Variants in ELMO1 observed in about 807,000 individuals in gnomAD.
ELMO1 encodes engulfment and cell motility protein 1.
In ELMO1, 26 loss-of-function variants were observed where a neutral mutation model predicts 98.9. The observed-to-expected ratio is 0.26, with a 90% CI of 0.19 to 0.36. The LOEUF (loss-of-function observed/expected upper bound fraction) is 0.36. Ranked by LOEUF, ELMO1 falls within the 10% of genes least tolerant of loss-of-function variation. ELMO1 has a pLI of 1.00. For synonymous variants in ELMO1, 346 were observed against 346.0 expected (o/e 1.00, Z 0.00); for missense variants, 627 against 935.2 (o/e 0.67, Z 4.30).
chr7:37,379,268 C>T (rs935558137), intron 1 of ELMO1, among the ~76,000 whole-genome samples: 7 of 152,146 alleles, frequency 4.6e-5, no homozygotes, highest in African/African-American at 1.7e-4. Context: ...TCTCGATCTC[C>T]TGACCTCGTG....
intron 1 of ELMO1, among the ~76,000 whole-genome samples, chr7:37,379,289 C>T (rs896460531): frequency 6.6e-6 from 1 of 152,152 alleles, no homozygotes; most frequent in Non-Finnish European, 1.5e-5. Flanking sequence ...ATCCACCCAC[C>T]TCGGCCTCCC....
chr7:37,428,474 A>G (rs554656023), intron 1 of ELMO1, among the ~76,000 whole-genome samples: 3 of 152,338 alleles, frequency 2.0e-5, no homozygotes, highest in African/African-American at 7.2e-5. Context: ...ATATGCCTGG[A>G]GCCAATCTCA....
chr7:37,188,465 C>G (rs1791360158), intron 13 of ELMO1, among the ~76,000 whole-genome samples: 1 of 101,670 alleles, frequency 9.8e-6, no homozygotes, highest in Non-Finnish European at 1.9e-5. Flanking sequence ...AACACACACA[C>G]ACACAGGCCA....
chr7:37,390,153 A>G (rs1319757720), intron 1 of ELMO1, among the ~76,000 whole-genome samples: 1 of 152,236 alleles, frequency 6.6e-6, no homozygotes, highest in African/African-American at 2.4e-5. Flanking sequence ...TAAAAACACA[A>G]ACGGTAACTG....
intron 2 of ELMO1, among the ~76,000 whole-genome samples, chr7:37,333,555 A>C (rs1341196844): frequency 6.6e-6 from 1 of 152,222 alleles, no homozygotes; most frequent in Non-Finnish European, 1.5e-5. Flanking sequence ...GCTCAGTTAA[A>C]GGGAGAGATA....
intron 14 of ELMO1, among the ~76,000 whole-genome samples, chr7:37,097,858 T>C (rs183517743): frequency 2.6e-5 from 4 of 152,358 alleles, no homozygotes; most frequent in African/African-American, 7.2e-5. Context: ...GCACAACTAC[T>C]TCCCTGTCTT....
At chr7:37,408,868 T>C (rs79101031) in intron 1 of ELMO1, among the ~76,000 whole-genome samples, 11,426 of 152,300 alleles carry the variant, frequency 0.075, 600 homozygotes, top group Admixed American at 0.096. Flanking sequence ...TATGCTATTG[T>C]GCTGTATACT....
intron 15 of ELMO1, among the ~76,000 whole-genome samples, chr7:37,054,510 G>A (rs1796291339): frequency 1.3e-5 from 2 of 152,088 alleles, no homozygotes; most frequent in East Asian, 1.9e-4. Flanking sequence ...CAGTTTCAAG[G>A]GGCCATTTTG....
At chr7:37,290,685 C>A (rs1797631239) in intron 4 of ELMO1, among the ~76,000 whole-genome samples, 2 of 152,030 alleles carry the variant, frequency 1.3e-5, no homozygotes, top group African/African-American at 4.8e-5. Context: ...ATAAATAGAA[C>A]AATATATTGT....
chr7:37,152,742 AAAG>A (rs1788450218), intron 13 of ELMO1, among the ~76,000 whole-genome samples: 1 of 152,260 alleles, frequency 6.6e-6, no homozygotes, highest in Non-Finnish European at 1.5e-5. Flanking sequence ...CTGGTTTAAA[AAAG>A]AAGAAAATGA....
chr7:36,946,364 G>A (rs1203782385), intron 16 of ELMO1, among the ~76,000 whole-genome samples: 1 of 152,244 alleles, frequency 6.6e-6, no homozygotes, highest in Non-Finnish European at 1.5e-5. Flanking sequence ...GAGAGAATGA[G>A]TGGTATTCAT....
intron 14 of ELMO1, among the ~76,000 whole-genome samples, chr7:37,130,897 T>C (rs1786878112): frequency 1.3e-5 from 2 of 152,146 alleles, no homozygotes; most frequent in Non-Finnish European, 2.9e-5. Context: ...AATGAAAAAC[T>C]GCATTCATAG....
chr7:37,145,214 T>C (rs1787906159), intron 13 of ELMO1, among the ~76,000 whole-genome samples: 1 of 152,218 alleles, frequency 6.6e-6, no homozygotes, highest in African/African-American at 2.4e-5. Flanking sequence ...TTGAGGACTC[T>C]TTGAGACCCA....
intron 13 of ELMO1, among the ~76,000 whole-genome samples, chr7:37,147,833 A>G (rs544117256): frequency 0.022 from 2,000 of 92,222 alleles, 21 homozygotes; most frequent in Non-Finnish European, 0.033. Flanking sequence ...GAAAAGTTGG[A>G]AAAAAAAAAA....
intron 1 of ELMO1, among the ~76,000 whole-genome samples, chr7:37,370,102 T>C (rs1325278185): frequency 2.0e-5 from 3 of 152,198 alleles, no homozygotes; most frequent in Admixed American, 2.0e-4. Flanking sequence ...CCACGCCCAG[T>C]CAGCCTCCGC....
At chr7:37,132,648 CAAATT>C (rs1403036438) in intron 14 of ELMO1, among the ~76,000 whole-genome samples, 2 of 152,224 alleles carry the variant, frequency 1.3e-5, no homozygotes, top group Non-Finnish European at 2.9e-5. Flanking sequence ...GCTCCACCCA[CAAATT>C]AATCTACCTT....
intron 16 of ELMO1, among the ~76,000 whole-genome samples, chr7:37,005,434 G>A (rs1793009826): frequency 6.6e-6 from 1 of 152,052 alleles, no homozygotes; most frequent in Admixed American, 6.5e-5. Context: ...GCTCACAACT[G>A]TAATCCCAGC....
chr7:37,042,192 C>A, intron 15 of ELMO1, among the ~76,000 whole-genome samples: 1 of 141,182 alleles, frequency 7.1e-6, no homozygotes. Context: ...TTGAGTGAGA[C>A]TCTGTTTTTC....
At chr7:36,970,371 G>C (rs1304949391) in intron 16 of ELMO1, among the ~76,000 whole-genome samples, 1 of 152,208 alleles carries the variant, frequency 6.6e-6, no homozygotes, top group Non-Finnish European at 1.5e-5. Context: ...ATGCAGCTGA[G>C]CAGCAGACAT....
Sources: gnomAD v4.1 joint callset for allele counts (sites outside exome capture counted in the v4.1 genomes callset) on GRCh38, gnomAD v4.1.1 for gene constraint, MANE v1.5 for transcripts, NCBI Gene and HGNC (gene_info 2026-07-23, HGNC 2026-07-21) for gene names.